UBE2O: variants seen among roughly 807,000 people sequenced by gnomAD.
UBE2O encodes ubiquitin conjugating enzyme E2 O.
UBE2O carries 15 observed loss-of-function variants against 125.8 expected under a neutral mutation model. The observed-to-expected ratio is 0.12, with a 90% CI of 0.08 to 0.18. The LOEUF is 0.18. Ranked by LOEUF, UBE2O falls within the 10% of genes least tolerant of loss-of-function variation. UBE2O has a pLI of 1.00. For missense variants in UBE2O, 1,280 were observed against 1,723.6 expected (o/e 0.74, Z 4.56); for synonymous variants, 708 against 703.2 (o/e 1.01, Z -0.11).
chr17:76,444,135 C>T (rs570988532), intron 1 of UBE2O, among the ~76,000 whole-genome samples: 3 of 152,188 alleles, frequency 2.0e-5, no homozygotes, highest in African/African-American at 7.2e-5. Context: ...GCAGGAGAAT[C>T]GCTAGAACCC....
Position 76,410,695 on chromosome 17 carries a change from G to T in UBE2O, c.418-5123C>A, listed in dbSNP as rs544746395. Reference sequence around the variant, plus strand: ...CCCCATTTGAGCTCCCCGAAGCTATGCTGGGGGCCACTCAGAGCAGGCATT... The same window carrying T: ...CCCCATTTGAGCTCCCCGAAGCTATTCTGGGGGCCACTCAGAGCAGGCATT... On this transcript the variant is annotated intron_variant, in intron 1 of 17. Coordinates refer to ENST00000319380, the MANE Select transcript of UBE2O (RefSeq NM_022066.4). This position sits in a 1 kb window ranked among gnomAD's most constrained non-coding sequence, Gnocchi z 4.0. 2.0e-5 allele frequency among the ~76,000 whole-genome samples: 3 copies of T among 152,310 alleles called. No individual in the cohort carries two copies. The highest frequency in any genetic ancestry group is 2.0e-4 in the Admixed American group (3 of 15,304).
In UBE2O at chr17:76,423,383, A is replaced by AAAAT. The variant is rs548323110; in HGVS notation, c.418-17815_418-17812dup. Among the ~76,000 whole-genome samples, 29 of 148,866 alleles carry AAAAT rather than the reference A, an allele frequency of 1.9e-4. No homozygotes were observed. In the South Asian group the frequency reaches 6.3e-3, roughly 32 times the overall value. On this transcript the variant is annotated intron_variant, in intron 1 of 17. Transcript: ENST00000319380. ...GACAAGAGTAAGACCCTATCTCTAA[A>AAAAT]AAATAAATACAGTAAAAATAAAAAT...
At chr17:76,413,569 T>C (rs1297208920) in intron 1 of UBE2O, among the ~76,000 whole-genome samples, 4 of 152,312 alleles carry the variant, frequency 2.6e-5, no homozygotes, top group South Asian at 2.1e-4. Flanking sequence ...ATAACACGTA[T>C]GTGTCCCGGG....
intron 1 of UBE2O, among the ~76,000 whole-genome samples, chr17:76,447,823 C>T (rs564358804): frequency 5.3e-5 from 8 of 152,312 alleles, no homozygotes; most frequent in Admixed American, 1.3e-4. Flanking sequence ...TTTGGTGCAG[C>T]ATCACCCTCT....
intron 1 of UBE2O, among the ~76,000 whole-genome samples, chr17:76,426,780 C>T (rs1297132265): frequency 1.3e-5 from 2 of 152,194 alleles, no homozygotes; most frequent in Non-Finnish European, 2.9e-5. Context: ...GTGACGATCA[C>T]TTTCAGAAGC....
intron 15 of UBE2O, among the ~76,000 whole-genome samples, chr17:76,393,810 G>C (rs1034917535): frequency 6.6e-6 from 1 of 152,172 alleles, no homozygotes; most frequent in Non-Finnish European, 1.5e-5. Context: ...GATCTCAACT[G>C]ACAGGGCAAT....
intron 1 of UBE2O, among the ~76,000 whole-genome samples, chr17:76,437,788 G>C (rs904308841): frequency 2.6e-5 from 4 of 152,158 alleles, no homozygotes; most frequent in African/African-American, 9.7e-5. Context: ...AGGGAAAACT[G>C]GGTGAAGGGG....
At chr17:76,440,916 G>A (rs543693344) in intron 1 of UBE2O, among the ~76,000 whole-genome samples, 1 of 152,178 alleles carries the variant, frequency 6.6e-6, no homozygotes, top group Non-Finnish European at 1.5e-5. Flanking sequence ...TATCTAGAGG[G>A]CAGGGCCTGT....
chr17:76,421,834 T>C (rs966024600), intron 1 of UBE2O, among the ~76,000 whole-genome samples: 5 of 152,158 alleles, frequency 3.3e-5, no homozygotes, highest in African/African-American at 1.2e-4. Context: ...GCTGGCTCTA[T>C]TTCCCTCAGT....
rs1322043679 is a variant in UBE2O, at chr17:76,410,502, G to A, written c.418-4930C>T. 6.6e-6 allele frequency among the ~76,000 whole-genome samples: 1 copy of A among 152,186 alleles called. No homozygotes were observed. The highest frequency in any genetic ancestry group is 6.5e-5 in the Admixed American group (1 of 15,278). ...GTGCCACAGCTGAGAAGCCCTGAAGGTGCTCTGGAGACGCAGGTGCTGAGA... is the reference window on the plus strand; with the variant it reads ...GTGCCACAGCTGAGAAGCCCTGAAGATGCTCTGGAGACGCAGGTGCTGAGA... On this transcript the variant is annotated intron_variant, in intron 1 of 17. Coordinates refer to ENST00000319380, the MANE Select transcript of UBE2O (RefSeq NM_022066.4). This position sits in a 1 kb window ranked among gnomAD's most constrained non-coding sequence, Gnocchi z 4.0.
Position 76,405,435 on chromosome 17 carries a change from G to C in UBE2O, c.477+78C>G, listed in dbSNP as rs1483498519. On this transcript the variant is annotated intron_variant, in intron 2 of 17. Coordinates refer to ENST00000319380, the MANE Select transcript of UBE2O (RefSeq NM_022066.4). The surrounding 1 kb of genome is among the most constrained non-coding windows in gnomAD (Gnocchi z 6.1). ...GAGCTGGCCAGTTCTCCCACATGCA[G>C]AGTGCGAGGTGGGCAGGCTCAAGTC... 4 of 1,519,836 alleles carry C rather than the reference G, an allele frequency of 2.6e-6. No individual in the cohort carries two copies. Among genetic ancestry groups the C allele is most frequent in the Non-Finnish European group, 3.6e-6 (4 of 1,112,670 alleles). 94.1% of individuals were successfully genotyped at this position (1,519,836 alleles called of 1,614,324 possible).
chr17:76,434,563 G>A (rs937481615), intron 1 of UBE2O, among the ~76,000 whole-genome samples: 3 of 152,040 alleles, frequency 2.0e-5, no homozygotes, highest in South Asian at 2.1e-4. Context: ...GTGACTCCTC[G>A]TCCTGGGGAA....
intron 1 of UBE2O, among the ~76,000 whole-genome samples, chr17:76,416,043 G>A (rs1403155585): frequency 1.3e-5 from 2 of 150,334 alleles, no homozygotes; most frequent in African/African-American, 4.9e-5. Flanking sequence ...ATATGTGTGT[G>A]TACATATGTA....
chr17:76,400,007 G>T lies in UBE2O; in HGVS notation c.1156-86C>A. On this transcript the variant is annotated intron_variant, in intron 8 of 17. Coordinates refer to ENST00000319380, the MANE Select transcript of UBE2O (RefSeq NM_022066.4). The surrounding 1 kb of genome is among the most constrained non-coding windows in gnomAD (Gnocchi z 4.3). ...GGCATCTCAGGCTGGGGGGATGACA[G>T]CTGTATACACCTGAGTAGCCGGCAA... 1 of 1,528,240 alleles carries T rather than the reference G, an allele frequency of 6.5e-7. No individual in the cohort carries two copies. Among genetic ancestry groups the T allele is most frequent in the Non-Finnish European group, 8.8e-7 (1 of 1,130,530 alleles). 94.7% of individuals were successfully genotyped at this position (1,528,240 alleles called of 1,614,324 possible). A position where few individuals can be genotyped will look rare whatever the true frequency, so the allele number is the denominator to read the frequency against.
chr17:76,452,671 G>T lies in UBE2O; in HGVS notation c.417+54C>A. ...CTGCACGCCGTCCTTCCCTGGCCTCGGCCCGGCCGCCGACCCCCTGCCGCC... is the reference window on the plus strand; with the variant it reads ...CTGCACGCCGTCCTTCCCTGGCCTCTGCCCGGCCGCCGACCCCCTGCCGCC... On this transcript the variant is annotated intron_variant, in intron 1 of 17. Coordinates refer to ENST00000319380, the MANE Select transcript of UBE2O (RefSeq NM_022066.4). The surrounding 1 kb of genome is among the most constrained non-coding windows in gnomAD (Gnocchi z 4.4). The T allele has an allele frequency of 7.5e-7, 1 of 1,338,104 alleles. No homozygotes were observed. The allele number at this position is 1,338,104 out of a possible 1,614,324, so 82.9% of individuals were successfully genotyped here. A position where few individuals can be genotyped will look rare whatever the true frequency, so the allele number is the denominator to read the frequency against.
intron 1 of UBE2O, among the ~76,000 whole-genome samples, chr17:76,414,386 G>A (rs1010141135): frequency 5.3e-5 from 8 of 152,354 alleles, no homozygotes; most frequent in Admixed American, 4.6e-4. Context: ...AGGGAGGTAA[G>A]ATGAAATTAC....
chr17:76,423,535 T>C (rs1477286994), intron 1 of UBE2O, among the ~76,000 whole-genome samples: 1 of 151,334 alleles, frequency 6.6e-6, no homozygotes, highest in Non-Finnish European at 1.5e-5. Context: ...CTACTAAAAA[T>C]ACAAAAAATT....
chr17:76,427,472 G>C (rs1008297439), intron 1 of UBE2O, among the ~76,000 whole-genome samples: 1 of 152,052 alleles, frequency 6.6e-6, no homozygotes, highest in Non-Finnish European at 1.5e-5. Context: ...TTCTCATGTT[G>C]AGAATCTTGT....
intron 1 of UBE2O, among the ~76,000 whole-genome samples, chr17:76,428,903 T>A (rs1302107764): frequency 7.6e-6 from 1 of 131,504 alleles, no homozygotes; most frequent in Non-Finnish European, 1.6e-5. Flanking sequence ...CCCTCTACTA[T>A]TTTTTTTTTT....
Sources: allele counts gnomAD v4.1 joint callset (sites outside exome capture counted in the v4.1 genomes callset), GRCh38; gene constraint gnomAD v4.1.1; non-coding constraint Gnocchi (gnomAD v3.1); transcripts MANE v1.5; gene names NCBI Gene and HGNC (gene_info 2026-07-23, HGNC 2026-07-21).